The following CTNNBL1 variants were observed in gnomAD, a reference collection of about 807,000 sequenced individuals.
CTNNBL1 encodes catenin beta like 1.
Under a neutral mutation model 72.7 loss-of-function variants are expected in CTNNBL1, and 31 were observed. The ratio of observed to expected loss-of-function variants is 0.43; its 90% CI spans 0.32 to 0.58. The LOEUF is 0.58. Ranked by LOEUF, CTNNBL1 falls within the 20% of genes least tolerant of loss-of-function variation. CTNNBL1 has a pLI of 0.08. For synonymous variants in CTNNBL1, 240 were observed against 267.3 expected, an observed-to-expected ratio of 0.90 and a Z score of 1.00; for missense variants, 534 against 725.1, an observed-to-expected ratio of 0.74 and a Z score of 3.03.
At chr20:37,768,487 T>C (rs187586573) in intron 7 of CTNNBL1, among the ~76,000 whole-genome samples, 9 of 152,378 alleles carry the variant, frequency 5.9e-5, no homozygotes, top group African/African-American at 2.2e-4. Flanking sequence ...AGTATTCCAC[T>C]ATGCTGATGT....
At chr20:37,837,841 A>G (rs1452882284) in intron 11 of CTNNBL1, among the ~76,000 whole-genome samples, 1 of 152,260 alleles carries the variant, frequency 6.6e-6, no homozygotes, top group African/African-American at 2.4e-5. Flanking sequence ...AACCGGGGAT[A>G]TGGCAATGAA....
chr20:37,785,423 T>G (rs2073663963), intron 10 of CTNNBL1, among the ~76,000 whole-genome samples: 1 of 152,244 alleles, frequency 6.6e-6, no homozygotes, highest in African/African-American at 2.4e-5. Context: ...GGCTATTGTC[T>G]AGATCTTGTA....
At chr20:37,792,100 A>T (rs569437253) in intron 10 of CTNNBL1, among the ~76,000 whole-genome samples, 2 of 152,318 alleles carry the variant, frequency 1.3e-5, no homozygotes, top group Non-Finnish European at 2.9e-5. Context: ...AAAGATGTTC[A>T]TAAATATTCT....
intron 11 of CTNNBL1, among the ~76,000 whole-genome samples, chr20:37,805,169 G>A (rs1052232061): frequency 4.6e-5 from 7 of 152,264 alleles, no homozygotes; most frequent in Admixed American, 3.9e-4. Context: ...GTAAGACTGT[G>A]CTCTTTGTTG....
intron 1 of CTNNBL1, among the ~76,000 whole-genome samples, chr20:37,725,378 C>T (rs1201767972): frequency 6.6e-6 from 1 of 151,792 alleles, no homozygotes; most frequent in African/African-American, 2.4e-5. Context: ...CTCACGGCAA[C>T]CTCTGCCTCC....
intron 10 of CTNNBL1, among the ~76,000 whole-genome samples, chr20:37,786,026 T>C (rs1222656781): frequency 1.3e-5 from 2 of 152,194 alleles, no homozygotes; most frequent in Non-Finnish European, 2.9e-5. Flanking sequence ...ACCTTGGTGG[T>C]GTTGGGTAAA....
At chr20:37,856,842 G>A (rs2072447113) in intron 13 of CTNNBL1, among the ~76,000 whole-genome samples, 1 of 152,104 alleles carries the variant, frequency 6.6e-6, no homozygotes, top group Non-Finnish European at 1.5e-5. Flanking sequence ...CTCTTCAGTG[G>A]TTAAAACCAG....
intron 4 of CTNNBL1, 84 bp from the exon 5 acceptor site, chr20:37,757,475 G>A: frequency 1.1e-6 from 1 of 888,914 alleles, no homozygotes; most frequent in Non-Finnish European, 1.8e-6. Context: ...TAAAGCAATT[G>A]ATGAGGAAAC....
chr20:37,832,927 G>T (rs575112309), intron 11 of CTNNBL1, among the ~76,000 whole-genome samples: 1 of 152,226 alleles, frequency 6.6e-6, no homozygotes, highest in Non-Finnish European at 1.5e-5. Context: ...TGATTTGGGT[G>T]TACTAGATCA....
Position 37,860,392 on chromosome 20 carries a change from G to A in CTNNBL1, c.1603+48G>A, listed in dbSNP as rs74900861. 1.5e-3 allele frequency: 2,076 copies of A among 1,422,262 alleles called. 29 individuals carry two copies. The African/African-American group carries it at 0.026, about 18-fold the overall frequency. The allele number at this position is 1,422,262 out of a possible 1,614,324, so 88.1% of individuals were successfully genotyped here. On this transcript the variant is annotated intron_variant, in intron 15 of 15. Coordinates refer to ENST00000361383, the MANE Select transcript of CTNNBL1 (RefSeq NM_030877.5). ...CTGGGGCTCCAGAGGATTAGATGAT[G>A]CTTACTTTCTGAGCCTCTGTCAGTA...
chr20:37,830,776 G>A (rs1394765255), intron 11 of CTNNBL1, among the ~76,000 whole-genome samples: 1 of 152,088 alleles, frequency 6.6e-6, no homozygotes, highest in African/African-American at 2.4e-5. Context: ...CCTTACATTA[G>A]CCTACAGCTG....
intron 10 of CTNNBL1, among the ~76,000 whole-genome samples, chr20:37,799,105 C>T (rs1442838909): frequency 6.6e-6 from 1 of 152,104 alleles, no homozygotes; most frequent in Non-Finnish European, 1.5e-5. Flanking sequence ...TTTTTCATAC[C>T]ATTGCTGTAG....
intron 15 of CTNNBL1, among the ~76,000 whole-genome samples, chr20:37,866,228 A>G (rs2072535631): frequency 6.6e-6 from 1 of 152,234 alleles, no homozygotes; most frequent in Non-Finnish European, 1.5e-5. Context: ...CATTTGCCTT[A>G]GGATTGCTGC....
intron 1 of CTNNBL1, chr20:37,727,230 A>T: frequency 2.8e-6 from 1 of 362,954 alleles, no homozygotes; most frequent in Non-Finnish European, 3.8e-6. Context: ...GGAGTATCCT[A>T]GGCAGATTGC....
rs189883809 is a variant in CTNNBL1, at chr20:37,746,274, G to A, written c.327-194G>A. Among the ~76,000 whole-genome samples the A allele has an allele frequency of 7.2e-5, 11 of 152,308 alleles. No individual in the cohort carries two copies. The East Asian group carries it at 2.1e-3, about 29-fold the overall frequency. ...ACCCTGTAATGAGATCTGAATCCAA[G>A]ATTGATTTTTGTAATGAGGAAATCG... is the stretch of plus-strand genomic sequence containing the variant. On this transcript the variant is annotated intron_variant, in intron 3 of 15. Coordinates refer to ENST00000361383, the MANE Select transcript of CTNNBL1 (RefSeq NM_030877.5).
chr20:37,854,551 A>T (rs1193958553), intron 13 of CTNNBL1, among the ~76,000 whole-genome samples: 1 of 129,296 alleles, frequency 7.7e-6, no homozygotes, highest in Non-Finnish European at 1.6e-5. Flanking sequence ...CTGCCTCTCA[A>T]TATTATTATT....
intron 3 of CTNNBL1, among the ~76,000 whole-genome samples, chr20:37,738,275 A>G (rs990071208): frequency 6.6e-6 from 1 of 152,256 alleles, no homozygotes; most frequent in South Asian, 2.1e-4. Flanking sequence ...TCATCTGTAT[A>G]AGGAAATAAT....
intron 13 of CTNNBL1, among the ~76,000 whole-genome samples, chr20:37,844,807 G>A (rs1192321750): frequency 3.3e-5 from 5 of 152,124 alleles, no homozygotes; most frequent in Non-Finnish European, 7.3e-5. Context: ...AATTAGCTGG[G>A]CATGATGGCG....
chr20:37,771,259 C>T (rs545120906), intron 7 of CTNNBL1, among the ~76,000 whole-genome samples: 1 of 152,242 alleles, frequency 6.6e-6, no homozygotes, highest in East Asian at 1.9e-4. Context: ...CACACTGTAC[C>T]CTAGACCTAC....
Sources: gnomAD v4.1 joint callset for allele counts (sites outside exome capture counted in the v4.1 genomes callset) on GRCh38, gnomAD v4.1.1 for gene constraint, MANE v1.5 for transcripts, NCBI Gene and HGNC (gene_info 2026-07-23, HGNC 2026-07-21) for gene names.